LSAMP: variants seen among roughly 807,000 people sequenced by gnomAD.
The protein encoded by LSAMP is limbic system associated membrane protein, also known as limbic system-associated membrane protein.
Under a neutral mutation model 38.6 loss-of-function variants are expected in LSAMP, and 7 were observed. The ratio of observed to expected loss-of-function variants is 0.18; its 90% CI spans 0.10 to 0.34. The LOEUF is 0.34. Among genes scored for constraint, LSAMP ranks in the 10% least tolerant of loss-of-function variants. The pLI, the probability that LSAMP is intolerant of heterozygous loss-of-function variation, is 1.00. For missense variants in LSAMP, 313 were observed against 420.0 expected (o/e 0.75, Z 2.23); for synonymous variants, 154 against 166.8 (o/e 0.92, Z 0.59).
intron 1 of LSAMP, among the ~76,000 whole-genome samples, chr3:116,163,396 G>T (rs572728205): frequency 4.0e-5 from 6 of 151,858 alleles, no homozygotes; most frequent in Non-Finnish European, 8.8e-5. Flanking sequence ...CCCTACAAAG[G>T]ACATGAACTC....
At chr3:115,899,428 A>G (rs906840473) in intron 3 of LSAMP, among the ~76,000 whole-genome samples, 4 of 152,180 alleles carry the variant, frequency 2.6e-5, no homozygotes, top group East Asian at 3.9e-4. Flanking sequence ...CACAATTCCT[A>G]TAAATCACCA....
intron 1 of LSAMP, among the ~76,000 whole-genome samples, chr3:116,145,026 A>ATTTT: frequency 6.6e-6 from 1 of 151,968 alleles, no homozygotes; most frequent in South Asian, 2.1e-4. Context: ...TTTCTTTTTA[A>ATTTT]GTATTCTGTC....
intron 1 of LSAMP, among the ~76,000 whole-genome samples, chr3:116,341,061 T>C (rs548415856): frequency 1.3e-5 from 2 of 152,162 alleles, no homozygotes; most frequent in South Asian, 2.1e-4. Flanking sequence ...ATGGCTTCCA[T>C]ATAGCTAAGG....
At chr3:115,836,195 T>C (rs1226292780) in intron 6 of LSAMP, among the ~76,000 whole-genome samples, 1 of 152,174 alleles carries the variant, frequency 6.6e-6, no homozygotes. Context: ...CAGCTTGTTA[T>C]TACCGTCTTA....
chr3:116,023,560 A>C (rs1386164740), intron 2 of LSAMP, among the ~76,000 whole-genome samples: 1 of 146,786 alleles, frequency 6.8e-6, no homozygotes, highest in East Asian at 2.0e-4. Context: ...AGCCCAGATC[A>C]CACCAGTGCA....
intron 4 of LSAMP, among the ~76,000 whole-genome samples, chr3:115,848,123 G>C (rs1166315569): frequency 2.0e-5 from 3 of 152,280 alleles, no homozygotes; most frequent in Non-Finnish European, 4.4e-5. Flanking sequence ...GACTGAATAG[G>C]TGTAACTATG....
chr3:116,036,227 C>T (rs566228645), intron 2 of LSAMP, among the ~76,000 whole-genome samples: 71 of 152,202 alleles, frequency 4.7e-4, no homozygotes, highest in African/African-American at 1.6e-3. Flanking sequence ...GATATGATGT[C>T]CTCTCAGAGT....
At chr3:116,031,514 A>G (rs1029710456) in intron 2 of LSAMP, among the ~76,000 whole-genome samples, 4 of 120,028 alleles carry the variant, frequency 3.3e-5, no homozygotes, top group Non-Finnish European at 3.3e-5. Flanking sequence ...TAATGATTTC[A>G]TGCCTACATA....
chr3:115,809,508 A>G lies in LSAMP; in HGVS notation c.*809T>C, dbSNP rs1189559096. Reference sequence around the variant, plus strand: ...CAATGAGTCTATGTACACATGGACCATTCCCTTGGCATGCTTTAGAGAGAG... The same window carrying G: ...CAATGAGTCTATGTACACATGGACCGTTCCCTTGGCATGCTTTAGAGAGAG... On this transcript the variant is annotated 3_prime_UTR_variant, in exon 7 of 7. Coordinates refer to ENST00000490035, the MANE Select transcript of LSAMP (RefSeq NM_002338.5). 5 of 152,426 alleles carry G rather than the reference A, an allele frequency of 3.3e-5. No homozygotes were observed. Among genetic ancestry groups the G allele is most frequent in the African/African-American group, 1.2e-4 (5 of 41,454 alleles). The allele number at this position is 152,426 out of a possible 1,614,324, so 9.4% of individuals were successfully genotyped here. A position where few individuals can be genotyped will look rare whatever the true frequency, so the allele number is the denominator to read the frequency against.
chr3:116,249,047 G>T (rs1011761058), intron 1 of LSAMP, among the ~76,000 whole-genome samples: 1 of 151,528 alleles, frequency 6.6e-6, no homozygotes, highest in African/African-American at 2.4e-5. Flanking sequence ...TACTCGGGTG[G>T]CTGAGACAGG....
intron 2 of LSAMP, among the ~76,000 whole-genome samples, chr3:116,020,361 C>T (rs530000263): frequency 6.6e-5 from 10 of 152,212 alleles, no homozygotes; most frequent in Non-Finnish European, 7.4e-5. Context: ...ATACCTAAAA[C>T]CCAACATAGA....
intron 1 of LSAMP, among the ~76,000 whole-genome samples, chr3:116,255,834 G>A (rs540489043): frequency 6.6e-6 from 1 of 152,248 alleles, no homozygotes; most frequent in East Asian, 1.9e-4. Context: ...AAACAAAAAC[G>A]TGTTACTAAC....
intron 2 of LSAMP, among the ~76,000 whole-genome samples, chr3:116,030,426 T>A (rs1940892423): frequency 6.6e-6 from 1 of 152,168 alleles, no homozygotes. Context: ...CAGCAACTTC[T>A]CTGAAATCTC....
At chr3:116,227,106 A>G (rs2046351302) in intron 1 of LSAMP, among the ~76,000 whole-genome samples, 2 of 152,076 alleles carry the variant, frequency 1.3e-5, no homozygotes. Context: ...CATCTATATT[A>G]TCACATAGTC....
At chr3:116,147,576 A>G (rs967468502) in intron 1 of LSAMP, among the ~76,000 whole-genome samples, 1 of 152,000 alleles carries the variant, frequency 6.6e-6, no homozygotes. Flanking sequence ...AATTTTGTCT[A>G]TAATATTTTT....
intron 1 of LSAMP, among the ~76,000 whole-genome samples, chr3:116,159,915 T>C (rs973829723): frequency 2.0e-5 from 3 of 151,184 alleles, no homozygotes; most frequent in Admixed American, 2.0e-4. Context: ...AATGAGATCA[T>C]GTTTTTTTGC....
chr3:116,339,511 A>G (rs2047965660), intron 1 of LSAMP, among the ~76,000 whole-genome samples: 1 of 151,808 alleles, frequency 6.6e-6, no homozygotes, highest in African/African-American at 2.4e-5. Flanking sequence ...AAGGTTTTCA[A>G]CATGTCTTAA....
rs747045658 is a variant in LSAMP, at chr3:116,125,092, G to C, written c.156-38536C>G. On this transcript the variant is annotated intron_variant, in intron 1 of 6. Transcript: ENST00000490035. ...GCCTGATGTGCTCCTATTGCATGTG[G>C]TGCCCTAGCCCTGTTGTCTCTCTCC... 2.4e-4 allele frequency among the ~76,000 whole-genome samples: 37 copies of C among 152,044 alleles called. 1 individual carries two copies. The highest frequency in any genetic ancestry group is 4.7e-4 in the Non-Finnish European group (32 of 68,014).
chr3:116,326,702 G>T (rs954519498), intron 1 of LSAMP, among the ~76,000 whole-genome samples: 1 of 152,164 alleles, frequency 6.6e-6, no homozygotes, highest in Non-Finnish European at 1.5e-5. Context: ...ATTGGTCATG[G>T]TCTCACAGGC....
Sources: gnomAD v4.1 joint callset for allele counts (sites outside exome capture counted in the v4.1 genomes callset) on GRCh38, gnomAD v4.1.1 for gene constraint, MANE v1.5 for transcripts, NCBI Gene and HGNC (gene_info 2026-07-23, HGNC 2026-07-21) for gene names.